ADCY8: variants seen among roughly 807,000 people sequenced by gnomAD.
The protein encoded by ADCY8 is adenylate cyclase 8, also known as adenylate cyclase type 8.
Under a neutral mutation model 119.7 loss-of-function variants are expected in ADCY8, and 51 were observed. The ratio of observed to expected loss-of-function variants is 0.43; its 90% CI spans 0.34 to 0.54. The LOEUF (loss-of-function observed/expected upper bound fraction) is 0.54, where lower values mean the gene tolerates loss of function less well. ADCY8 is among the 20% of genes least tolerant of loss of function. ADCY8 has a pLI of 0.03. For missense variants in ADCY8, 1,383 were observed against 1,598.8 expected, an observed-to-expected ratio of 0.87 and a Z score of 2.30; for synonymous variants, 665 against 651.0, an observed-to-expected ratio of 1.02 and a Z score of -0.33.
chr8:130,910,478 C>G (rs1819948737), intron 5 of ADCY8, among the ~76,000 whole-genome samples: 1 of 152,108 alleles, frequency 6.6e-6, no homozygotes, highest in South Asian at 2.1e-4. Context: ...TCCTTCCAGC[C>G]CATACTGTCA....
chr8:130,874,354 T>A lies in ADCY8; in HGVS notation c.2110-6408A>T, dbSNP rs7833316. Among the ~76,000 whole-genome samples, 146 of 136,066 alleles carry A rather than the reference T, an allele frequency of 1.1e-3. 1 individual carries two copies. Among genetic ancestry groups the A allele is most frequent in the East Asian group, 8.3e-3 (38 of 4,602 alleles). The allele number at this position is 136,066 out of a possible 152,430, so 89.3% of individuals were successfully genotyped here. Reference sequence around the variant, plus strand: ...ATAAATAAATAAATAAATAAATAAATAAAATACACCATTTGGATACAAGGC... The same window carrying A: ...ATAAATAAATAAATAAATAAATAAAAAAAATACACCATTTGGATACAAGGC... On this transcript the variant is annotated intron_variant, in intron 8 of 17. Transcript: ENST00000286355.
At chr8:130,857,988 A>T (rs190096794) in intron 9 of ADCY8, among the ~76,000 whole-genome samples, 40 of 152,338 alleles carry the variant, frequency 2.6e-4, no homozygotes, top group Non-Finnish European at 4.1e-4. Context: ...TTTAATAATT[A>T]TCCCCATTGC....
intron 15 of ADCY8, 78 bp downstream of exon 15, chr8:130,800,346 AGT>A: frequency 4.0e-6 from 6 of 1,501,768 alleles, no homozygotes; most frequent in Non-Finnish European, 9.1e-7. Flanking sequence ...AAAAAAAATA[AGT>A]AATTCCTACA....
chr8:130,868,306 C>T (rs1329259436), intron 8 of ADCY8, among the ~76,000 whole-genome samples: 3 of 152,176 alleles, frequency 2.0e-5, no homozygotes, highest in Non-Finnish European at 2.9e-5. Flanking sequence ...TGCACTGTTT[C>T]GTGTTAAGTT....
At chr8:130,899,947 T>C (rs892760499) in intron 7 of ADCY8, among the ~76,000 whole-genome samples, 1 of 152,212 alleles carries the variant, frequency 6.6e-6, no homozygotes, top group South Asian at 2.1e-4. Context: ...TCTACTTCAA[T>C]CATCTCCTTC....
At chr8:130,823,566 G>A (rs1282449093) in intron 12 of ADCY8, among the ~76,000 whole-genome samples, 1 of 152,038 alleles carries the variant, frequency 6.6e-6, no homozygotes, top group Non-Finnish European at 1.5e-5. Flanking sequence ...CTAATAGAAA[G>A]GAACATTCTT....
intron 11 of ADCY8, among the ~76,000 whole-genome samples, chr8:130,839,275 T>A (rs538679746): frequency 7.1e-6 from 1 of 140,246 alleles, no homozygotes; most frequent in Non-Finnish European, 1.6e-5. Flanking sequence ...TTTTGTTGCC[T>A]CAATCAATTG....
chr8:130,945,672 G>C (rs1821085684), intron 3 of ADCY8, among the ~76,000 whole-genome samples: 1 of 152,222 alleles, frequency 6.6e-6, no homozygotes, highest in African/African-American at 2.4e-5. Context: ...TTATATTTGA[G>C]AGAGAAAGAG....
At chr8:130,835,193 C>T (rs574162484) in intron 12 of ADCY8, among the ~76,000 whole-genome samples, 2 of 152,320 alleles carry the variant, frequency 1.3e-5, no homozygotes, top group South Asian at 4.1e-4. Flanking sequence ...GGACTGGCTC[C>T]TTCCATCACT....
At position 130,990,381 on chromosome 8, in the gene ADCY8, G is replaced by C; in HGVS notation, c.1110+12C>G. ...GGTGATAACTAAAACACACAGCCTT[G>C]TCAGTTGGTACCTGTCTTTGGTTCT... On this transcript the variant is annotated intron_variant, in intron 2 of 17. Coordinates refer to ENST00000286355, the MANE Select transcript of ADCY8 (RefSeq NM_001115.3). The C allele has an allele frequency of 6.2e-7, 1 of 1,613,724 alleles. No homozygotes were observed. Among genetic ancestry groups the C allele is most frequent in the Non-Finnish European group, 8.5e-7 (1 of 1,179,832 alleles).
At chr8:130,940,074 T>G (rs574710450) in intron 4 of ADCY8, among the ~76,000 whole-genome samples, 1 of 152,236 alleles carries the variant, frequency 6.6e-6, no homozygotes, top group Non-Finnish European at 1.5e-5. Context: ...TCATTGAGCA[T>G]GTACTATGTG....
At chr8:130,967,323 C>T (rs1219945073) in intron 2 of ADCY8, among the ~76,000 whole-genome samples, 2 of 152,176 alleles carry the variant, frequency 1.3e-5, no homozygotes, top group Non-Finnish European at 2.9e-5. Context: ...AATTTTGGTT[C>T]TGCTCAGAAA....
chr8:131,028,665 G>T (rs140913646), intron 1 of ADCY8, among the ~76,000 whole-genome samples: 12 of 152,168 alleles, frequency 7.9e-5, no homozygotes, highest in Non-Finnish European at 1.3e-4. Context: ...CTTTTTAGAA[G>T]TCTGTAGATA....
chr8:130,890,470 T>A (rs1443662759), intron 7 of ADCY8, among the ~76,000 whole-genome samples: 2 of 152,200 alleles, frequency 1.3e-5, no homozygotes, highest in Non-Finnish European at 2.9e-5. Flanking sequence ...CTTCAAATTT[T>A]GGAAAGATTC....
chr8:131,008,826 T>A (rs1823207090), intron 1 of ADCY8, among the ~76,000 whole-genome samples: 1 of 152,186 alleles, frequency 6.6e-6, no homozygotes, highest in African/African-American at 2.4e-5. Context: ...AAGTCCAGGA[T>A]GAGGTGGTCT....
intron 7 of ADCY8, among the ~76,000 whole-genome samples, chr8:130,898,039 T>G (rs565013219): frequency 6.6e-6 from 1 of 151,462 alleles, no homozygotes; most frequent in Non-Finnish European, 1.5e-5. Flanking sequence ...ACAGATGACC[T>G]GAAAACAAGG....
chr8:130,793,855 A>C (rs1815498153), intron 15 of ADCY8, among the ~76,000 whole-genome samples: 1 of 152,214 alleles, frequency 6.6e-6, no homozygotes, highest in Non-Finnish European at 1.5e-5. Flanking sequence ...GGGTGTGAAT[A>C]CTATACTGGG....
rs1177365904 is a variant in ADCY8 at position 130,849,667 on chromosome 8, A to G, written c.2347T>C (p.Leu783=). ...GCAAAGATGATGACGTTCCGGGCCA[A>G]ATAGGTCTCATTAATCCAACAGCAA... The part of the protein sequence containing the change: ...KTCCWINETY[L]ARNVIIFASI... Residue 783 remains leucine (L), a synonymous_variant, in exon 10 of 18, where the codon TTG becomes CTG. Coordinates refer to ENST00000286355, the MANE Select transcript of ADCY8 (RefSeq NM_001115.3). 1 of 1,614,102 alleles carries G rather than the reference A, an allele frequency of 6.2e-7. No homozygotes were observed. The highest frequency in any genetic ancestry group is 1.3e-5 in the African/African-American group (1 of 75,048).
chr8:130,932,473 T>C (rs1293125865), intron 5 of ADCY8, among the ~76,000 whole-genome samples: 1 of 152,168 alleles, frequency 6.6e-6, no homozygotes, highest in Non-Finnish European at 1.5e-5. Flanking sequence ...CAAAGTCCTA[T>C]GCCCACTTCC....
Sources: allele counts gnomAD v4.1 joint callset (sites outside exome capture counted in the v4.1 genomes callset), GRCh38; gene constraint gnomAD v4.1.1; transcripts MANE v1.5; gene names NCBI Gene and HGNC (gene_info 2026-07-23, HGNC 2026-07-21).